HAUS6: variants seen among roughly 807,000 people sequenced by gnomAD.
HAUS6 encodes the protein HAUS augmin-like complex subunit 6.
HAUS6 carries 80 observed loss-of-function variants against 106.8 expected under a neutral mutation model. The observed-to-expected ratio is 0.75, with a 90% CI of 0.63 to 0.90. HAUS6 has a LOEUF of 0.90. Ranked by LOEUF, HAUS6 falls within the 40% of genes least tolerant of loss-of-function variation. The probability of loss-of-function intolerance (pLI) is 0.00; values close to 1 mark genes in which losing one functional copy is unlikely to be tolerated. For synonymous variants in HAUS6, 356 were observed against 379.1 expected (o/e 0.94, Z 0.71); for missense variants, 1,155 against 1,118.1 (o/e 1.03, Z -0.47).
Position 19,057,906 on chromosome 9 carries a change from A to G in HAUS6, c.2806+55T>C, listed in dbSNP as rs755144229. 2.4e-5 allele frequency: 25 copies of G among 1,040,926 alleles called. No homozygotes were observed. The African/African-American group carries it at 3.8e-4, about 16-fold the overall frequency. 64.5% of individuals were successfully genotyped at this position (1,040,926 alleles called of 1,614,324 possible). ...CATTCTTTGTGTACTGGTTTTATCA[A>G]AAGTTGAGAGAAAACTTCAACAGGT... is the stretch of plus-strand genomic sequence containing the variant. On this transcript the variant is annotated intron_variant, in intron 16 of 16. Coordinates refer to ENST00000380502, the MANE Select transcript of HAUS6 (RefSeq NM_017645.5).
intron 12 of HAUS6, among the ~76,000 whole-genome samples, chr9:19,069,764 G>C (rs1836848312): frequency 1.3e-5 from 2 of 151,908 alleles, no homozygotes; most frequent in Admixed American, 6.6e-5. Context: ...ACTGGTTTAA[G>C]ATGGGAATAA....
intron 8 of HAUS6, 90 bp downstream of exon 8, chr9:19,082,783 C>A: frequency 4.3e-6 from 3 of 701,940 alleles, no homozygotes; most frequent in South Asian, 3.6e-5. Flanking sequence ...AAACAAAAAA[C>A]AAATTCTGAA....
At chr9:19,088,395 AAC>A (rs1817671418) in intron 5 of HAUS6, among the ~76,000 whole-genome samples, 2 of 151,486 alleles carry the variant, frequency 1.3e-5, no homozygotes, top group Non-Finnish European at 2.9e-5. Flanking sequence ...CAGCCAGGGC[AAC>A]AGAGTGAGAC....
In HAUS6 at chr9:19,080,521, G is replaced by A; in HGVS notation, c.1022C>T (p.Thr341Ile). The change falls in exon 9 of 17, where the codon ACC becomes ATC. Residue 341 changes from threonine (T) to isoleucine (I), a missense_variant. Physicochemically the swap from Thr to Ile is moderately conservative, Grantham distance 89. Coordinates refer to ENST00000380502, the MANE Select transcript of HAUS6 (RefSeq NM_017645.5). ...TGATAATCTTTCCTTCTGAAATTTGGTCTCTTTTTCAAGGTAGTGAAGGTC... is the reference window on the plus strand; with the variant it reads ...TGATAATCTTTCCTTCTGAAATTTGATCTCTTTTTCAAGGTAGTGAAGGTC... ...TVDLHYLEKE[T>I]KFQKERLSDL... The A allele has an allele frequency of 6.2e-7, 1 of 1,608,950 alleles. No individual in the cohort carries two copies. The highest frequency in any genetic ancestry group is 1.7e-5 in the Admixed American group (1 of 59,936).
intron 4 of HAUS6, among the ~76,000 whole-genome samples, chr9:19,092,779 GC>G (rs1817780841): frequency 1.3e-5 from 2 of 151,506 alleles, no homozygotes; most frequent in Non-Finnish European, 2.9e-5. Flanking sequence ...CAAAAAATTA[GC>G]CAGTCATGGT....
chr9:19,098,905 C>T (rs747122692), intron 1 of HAUS6, among the ~76,000 whole-genome samples: 35 of 151,110 alleles, frequency 2.3e-4, no homozygotes, highest in Non-Finnish European at 3.7e-4. Context: ...GCCTAAAATC[C>T]CAGCTACTCC....
At chr9:19,101,028 A>G (rs1017407242) in intron 1 of HAUS6, among the ~76,000 whole-genome samples, 1 of 152,238 alleles carries the variant, frequency 6.6e-6, no homozygotes, top group East Asian at 1.9e-4. Flanking sequence ...TCAATAGTAC[A>G]TAAGTGAAAC....
intron 12 of HAUS6, among the ~76,000 whole-genome samples, chr9:19,068,736 G>A (rs533933740): frequency 6.6e-6 from 1 of 151,206 alleles, no homozygotes; most frequent in East Asian, 1.9e-4. Flanking sequence ...AACTAATAAA[G>A]GAAAGTTTCG....
intron 1 of HAUS6, among the ~76,000 whole-genome samples, chr9:19,097,357 A>C (rs950617453): frequency 5.9e-5 from 9 of 152,226 alleles, no homozygotes; most frequent in African/African-American, 2.2e-4. Flanking sequence ...TCATCTGACA[A>C]AGGGCTAATA....
intron 13 of HAUS6, 81 bp downstream of exon 13, chr9:19,063,433 A>G (rs1030846278): frequency 5.5e-6 from 4 of 729,372 alleles, no homozygotes; most frequent in Non-Finnish European, 9.0e-6. Context: ...AATTAAATTT[A>G]ACTGTGGTAT....
At position 19,102,679 on chromosome 9, in the gene HAUS6, G is replaced by C. The variant is rs745853640; in HGVS notation, c.-28C>G. The C allele has an allele frequency of 5.0e-6, 8 of 1,604,258 alleles. No homozygotes were observed. Among genetic ancestry groups the C allele is most frequent in the South Asian group, 2.2e-5 (2 of 90,380 alleles). On this transcript the variant is annotated 5_prime_UTR_variant, in exon 1 of 17. Transcript: ENST00000380502. ...TCGCGGTAGGCACGGTGGCTGCAAA[G>C]AAAGAAAGCGCAAGCCCAGGGGACT...
chr9:19,073,810 G>A (rs1836928920), intron 11 of HAUS6: 1 of 152,050 alleles, frequency 6.6e-6, no homozygotes. Flanking sequence ...ATCAAACAAT[G>A]CAGCCTTTTA....
In HAUS6 at chr9:19,058,890, G is replaced by A; in HGVS notation, c.1877C>T (p.Pro626Leu). 3.1e-6 allele frequency: 5 copies of A among 1,602,230 alleles called. No homozygotes were observed. Among genetic ancestry groups the A allele is most frequent in the Non-Finnish European group, 4.3e-6 (5 of 1,169,096 alleles). The change falls in exon 16 of 17, where the codon CCT becomes CTT. Residue 626 changes from proline to leucine, a missense_variant. Pro to Leu is a moderately conservative substitution (Grantham distance 98, BLOSUM62 -3). This residue lies in a region of HAUS6 where 380 missense variants were observed against 394.8 expected (regional missense o/e 0.96). Coordinates refer to ENST00000380502, the MANE Select transcript of HAUS6 (RefSeq NM_017645.5). ...EHREVLPESL[P>L]VLHNQREFSM... is the part of the protein sequence containing the mutation. ...AAATTCTCTTTGATTGTGCAACACA[G>A]GTAATGATTCTGGCAATACTTCTCT...
At chr9:19,086,127 C>A (rs920763799) in intron 7 of HAUS6, among the ~76,000 whole-genome samples, 8 of 151,488 alleles carry the variant, frequency 5.3e-5, no homozygotes, top group African/African-American at 1.9e-4. Context: ...GCTTGGCCAA[C>A]ATGGCGAAAC....
intron 7 of HAUS6, among the ~76,000 whole-genome samples, chr9:19,085,613 T>C (rs1451427707): frequency 8.5e-6 from 1 of 118,138 alleles, no homozygotes; most frequent in East Asian, 2.1e-4. Context: ...AGAGATTTTA[T>C]CCAAAAAAAA....
At position 19,078,012 on chromosome 9, in the gene HAUS6, G is replaced by T. The variant is rs192347801; in HGVS notation, c.1191+164C>A. Reference sequence around the variant, plus strand: ...GAAGTTCAAGGTTACAACAAGCTATGATCATGCCACCGTACTCCAGCCAGC... The same window carrying T: ...GAAGTTCAAGGTTACAACAAGCTATTATCATGCCACCGTACTCCAGCCAGC... On this transcript the variant is annotated intron_variant, in intron 10 of 16. Coordinates refer to ENST00000380502, the MANE Select transcript of HAUS6 (RefSeq NM_017645.5). 2.4e-3 allele frequency among the ~76,000 whole-genome samples: 364 copies of T among 151,822 alleles called. 2 individuals are homozygous for T. Among genetic ancestry groups the T allele is most frequent in the African/African-American group, 8.4e-3 (349 of 41,382 alleles).
intron 16 of HAUS6, chr9:19,057,151 T>C (rs1836492201): frequency 6.6e-6 from 1 of 152,240 alleles, no homozygotes; most frequent in Non-Finnish European, 1.5e-5. Context: ...ATGTTGAAGT[T>C]CTAACCCCAG....
At chr9:19,080,392 G>C in intron 9 of HAUS6, 87 bp downstream of exon 9, 1 of 790,878 alleles carries the variant, frequency 1.3e-6, no homozygotes, top group Non-Finnish European at 2.2e-6. Context: ...GTTTGCCAAA[G>C]CTGAAGAGCT....
chr9:19,100,660 C>G (rs1296795894), intron 1 of HAUS6, among the ~76,000 whole-genome samples: 1 of 152,012 alleles, frequency 6.6e-6, no homozygotes, highest in African/African-American at 2.4e-5. Context: ...TCACAATAGT[C>G]GAGATACAGA....
Sources: gnomAD v4.1 joint callset for allele counts (sites outside exome capture counted in the v4.1 genomes callset) on GRCh38, gnomAD v4.1.1 for gene constraint, gnomAD v4.1.1 regional missense constraint, MANE v1.5 for transcripts, NCBI Gene and HGNC (gene_info 2026-07-23, HGNC 2026-07-21) for gene names.